The following SPATS2L variants were observed in gnomAD, a reference collection of about 807,000 sequenced individuals.
The protein encoded by SPATS2L is SPATS2-like protein.
In SPATS2L, 30 loss-of-function variants were observed where a neutral mutation model predicts 59.6. The observed-to-expected ratio is 0.50, with a 90% CI of 0.38 to 0.68. The LOEUF is 0.68. Ranked by LOEUF, SPATS2L falls within the 30% of genes least tolerant of loss-of-function variation. SPATS2L has a pLI of 0.00. For synonymous variants in SPATS2L, 252 were observed against 263.5 expected (o/e 0.96, Z 0.42); for missense variants, 615 against 700.0 (o/e 0.88, Z 1.37).
At chr2:200,424,272 A>C (rs2083432888) in intron 6 of SPATS2L, among the ~76,000 whole-genome samples, 1 of 152,064 alleles carries the variant, frequency 6.6e-6, no homozygotes. Context: ...AGATTACTTG[A>C]GGCCAGGAGT....
At chr2:200,463,545 GA>G (rs2086388645) in intron 9 of SPATS2L, among the ~76,000 whole-genome samples, 1 of 152,058 alleles carries the variant, frequency 6.6e-6, no homozygotes, top group African/African-American at 2.4e-5. Context: ...TATACTATAC[GA>G]AACACCTCAT....
intron 2 of SPATS2L, among the ~76,000 whole-genome samples, chr2:200,347,516 G>C (rs987669784): frequency 6.6e-6 from 1 of 152,244 alleles, no homozygotes. Flanking sequence ...AAAGCCCCCG[G>C]TTTGCATGTC....
chr2:200,473,161 G>T, intron 12 of SPATS2L, 109 bp downstream of exon 12: 5 of 1,103,558 alleles, frequency 4.5e-6, no homozygotes, highest in Non-Finnish European at 5.1e-6. Context: ...TCACACTCAG[G>T]CTCCCGCCAC....
intron 1 of SPATS2L, among the ~76,000 whole-genome samples, chr2:200,310,193 TA>T (rs1216488476): frequency 6.6e-6 from 1 of 152,238 alleles, no homozygotes; most frequent in African/African-American, 2.4e-5. Flanking sequence ...ACATGCTTGA[TA>T]ACAAACTTTT....
chr2:200,392,076 T>C (rs1313421970), intron 3 of SPATS2L, among the ~76,000 whole-genome samples: 2 of 152,204 alleles, frequency 1.3e-5, no homozygotes, highest in Non-Finnish European at 2.9e-5. Flanking sequence ...ATATATACCA[T>C]TCCTAAAATC....
At chr2:200,327,858 G>A (rs553979393) in intron 1 of SPATS2L, among the ~76,000 whole-genome samples, 8 of 114,740 alleles carry the variant, frequency 7.0e-5, no homozygotes, top group African/African-American at 2.2e-4. Flanking sequence ...AGGCGTGTGC[G>A]GGCACACACA....
chr2:200,384,878 G>A (rs2081942623), intron 2 of SPATS2L, among the ~76,000 whole-genome samples: 1 of 152,076 alleles, frequency 6.6e-6, no homozygotes, highest in Admixed American at 6.5e-5. Flanking sequence ...TTTAAAAAAT[G>A]TCTAAGCTAT....
chr2:200,448,313 A>G (rs548975484), intron 8 of SPATS2L, among the ~76,000 whole-genome samples: 12 of 152,282 alleles, frequency 7.9e-5, no homozygotes, highest in Admixed American at 3.9e-4. Context: ...GTGGTGGTGC[A>G]TGCCTGCAAT....
chr2:200,473,557 A>T (rs2087246849), intron 12 of SPATS2L, among the ~76,000 whole-genome samples: 1 of 152,196 alleles, frequency 6.6e-6, no homozygotes, highest in South Asian at 2.1e-4. Context: ...TTCAGTAAGG[A>T]GAATACATTT....
chr2:200,469,914 C>G lies in SPATS2L; in HGVS notation c.958C>G (p.His320Asp). Residue 320 changes from histidine (H) to aspartate (D), a missense_variant and splice_region_variant, in exon 11 of 13, where the codon CAC (histidine) becomes GAC (aspartate). Coordinates refer to ENST00000409140, the MANE Select transcript of SPATS2L (RefSeq NM_001100423.2). Reference protein sequence around the residue: ...QLAELRAEIKHFVSERKYDEE... With the variant: ...QLAELRAEIKDFVSERKYDEE... ...CCTGCTTTTCATCTCTTTCCTCCAG[C>G]ACTTTGTCAGCGAGCGTAAATATGA... 6.2e-7 allele frequency: 1 copy of G among 1,607,004 alleles called. No homozygotes were observed. Among genetic ancestry groups the G allele is most frequent in the South Asian group, 1.1e-5 (1 of 89,320 alleles).
chr2:200,465,948 T>C (rs1185576369), intron 9 of SPATS2L, among the ~76,000 whole-genome samples: 2 of 152,030 alleles, frequency 1.3e-5, no homozygotes, highest in Admixed American at 6.5e-5. Context: ...AGGAGAATGG[T>C]GTGAACCCGG....
rs1032479656 is a variant in SPATS2L at position 200,372,211 on chromosome 2, T to C, written c.-22-17012T>C. On this transcript the variant is annotated intron_variant, in intron 2 of 12. Transcript: ENST00000409140. ...AACAACATTGTTTCTCCCTTTGGAA[T>C]TCTGGAGTTATAAGGCAGAGGTCCC... 6.1e-6 allele frequency: 6 copies of C among 985,126 alleles called. No homozygotes were observed. In the African/African-American group the frequency reaches 1.0e-4, roughly 17 times the overall value. The allele number at this position is 985,126 out of a possible 1,614,324, so 61.0% of individuals were successfully genotyped here.
intron 2 of SPATS2L, among the ~76,000 whole-genome samples, chr2:200,388,381 G>A (rs1418759698): frequency 6.6e-6 from 1 of 151,918 alleles, no homozygotes; most frequent in Admixed American, 6.6e-5. Flanking sequence ...GACCAGCCTG[G>A]GCAACAAAGT....
intron 1 of SPATS2L, among the ~76,000 whole-genome samples, chr2:200,327,613 G>A (rs551669427): frequency 7.9e-5 from 12 of 152,210 alleles, no homozygotes; most frequent in African/African-American, 2.9e-4. Flanking sequence ...TTATTGCTTT[G>A]TCAACACAAC....
At chr2:200,341,415 A>G (rs574822254) in intron 2 of SPATS2L, among the ~76,000 whole-genome samples, 1 of 152,324 alleles carries the variant, frequency 6.6e-6, no homozygotes, top group Admixed American at 6.5e-5. Context: ...TGTGAGGATC[A>G]AATAAAATAA....
At chr2:200,367,622 C>T (rs1404039633) in intron 2 of SPATS2L, among the ~76,000 whole-genome samples, 2 of 152,200 alleles carry the variant, frequency 1.3e-5, no homozygotes, top group East Asian at 1.9e-4. Context: ...TCATAGATTA[C>T]CTAAATTACT....
rs567134505 is a variant in SPATS2L, at chr2:200,385,697, A to T, written c.-22-3526A>T. ...GACTATCTAGTCACTTAAACTTAAA[A>T]TTTTTTTTTTTTTTAGATGGAGTCT... On this transcript the variant is annotated intron_variant, in intron 2 of 12. Coordinates refer to ENST00000409140, the MANE Select transcript of SPATS2L (RefSeq NM_001100423.2). Among the ~76,000 whole-genome samples the T allele has an allele frequency of 4.3e-4, 63 of 145,542 alleles. 1 individual carries two copies. The East Asian group carries it at 7.2e-3, about 17-fold the overall frequency.
chr2:200,312,838 T>A (rs936962558), intron 1 of SPATS2L, among the ~76,000 whole-genome samples: 4 of 152,204 alleles, frequency 2.6e-5, no homozygotes, highest in Non-Finnish European at 4.4e-5. Context: ...ACCTTAGGGA[T>A]CAAGATGCTA....
chr2:200,375,833 C>T (rs772159408), intron 2 of SPATS2L, among the ~76,000 whole-genome samples: 8 of 152,054 alleles, frequency 5.3e-5, no homozygotes, highest in Non-Finnish European at 1.0e-4. Flanking sequence ...CACCGTGTTG[C>T]CCAGGCTGCT....
Sources: allele counts gnomAD v4.1 joint callset (sites outside exome capture counted in the v4.1 genomes callset), GRCh38; gene constraint gnomAD v4.1.1; transcripts MANE v1.5; gene names NCBI Gene and HGNC (gene_info 2026-07-23, HGNC 2026-07-21).